The following OCA2 variants were observed in gnomAD, a reference collection of about 807,000 sequenced individuals.
OCA2 encodes OCA2 melanosomal transmembrane protein, also known as P protein.
OCA2 carries 77 observed loss-of-function variants against 100.2 expected under a neutral mutation model. The observed-to-expected ratio is 0.77, with a 90% CI of 0.64 to 0.93. The LOEUF is 0.93. OCA2 is among the 40% of genes least tolerant of loss of function. The probability of loss-of-function intolerance (pLI) is 0.00; values close to 1 mark genes in which losing one functional copy is unlikely to be tolerated. For missense variants in OCA2, 1,062 were observed against 1,089.1 expected (o/e 0.98, Z 0.35); for synonymous variants, 432 against 439.2 (o/e 0.98, Z 0.21).
At chr15:27,921,998 GAAAAT>G (rs1312216738) in intron 19 of OCA2, among the ~76,000 whole-genome samples, 2 of 152,178 alleles carry the variant, frequency 1.3e-5, no homozygotes, top group Non-Finnish European at 2.9e-5. Context: ...CTACAGAAAA[GAAAAT>G]GTTATTAAGA....
chr15:27,779,880 T>C (rs1042517482), intron 23 of OCA2, among the ~76,000 whole-genome samples: 13 of 152,234 alleles, frequency 8.5e-5, no homozygotes, highest in Middle Eastern at 3.2e-3. Context: ...TGTTTCCTTG[T>C]GCTTTTGTTT....
At chr15:27,949,256 G>A (rs542401705) in intron 18 of OCA2, among the ~76,000 whole-genome samples, 7 of 152,108 alleles carry the variant, frequency 4.6e-5, no homozygotes, top group Admixed American at 2.0e-4. Context: ...CAGTGTGTGC[G>A]CTGTATTAGA....
At chr15:27,852,406 T>C (rs1304786552) in intron 21 of OCA2, among the ~76,000 whole-genome samples, 1 of 152,194 alleles carries the variant, frequency 6.6e-6, no homozygotes, top group African/African-American at 2.4e-5. Context: ...TCTGTTCTGT[T>C]CCATTGATCT....
intron 18 of OCA2, among the ~76,000 whole-genome samples, chr15:27,940,804 A>G (rs774791878): frequency 6.6e-6 from 1 of 152,248 alleles, no homozygotes; most frequent in Non-Finnish European, 1.5e-5. Context: ...CCACAAATGC[A>G]CATCATAAAC....
intron 2 of OCA2, among the ~76,000 whole-genome samples, chr15:28,049,094 C>A (rs1595879116): frequency 6.6e-6 from 1 of 152,100 alleles, no homozygotes; most frequent in Admixed American, 6.5e-5. Flanking sequence ...TGATAAGGGT[C>A]TAGTATCCAA....
At chr15:27,936,449 C>T (rs2039454907) in intron 18 of OCA2, among the ~76,000 whole-genome samples, 1 of 152,190 alleles carries the variant, frequency 6.6e-6, no homozygotes, top group South Asian at 2.1e-4. Context: ...AGAAAACTCC[C>T]ATTCTTTCTA....
chr15:27,777,846 T>C (rs2032323848), intron 23 of OCA2, among the ~76,000 whole-genome samples: 1 of 152,206 alleles, frequency 6.6e-6, no homozygotes, highest in Non-Finnish European at 1.5e-5. Context: ...TGCCTTATTA[T>C]TTGCTGCTCT....
intron 19 of OCA2, among the ~76,000 whole-genome samples, chr15:27,899,506 A>G (rs1285326690): frequency 6.6e-6 from 1 of 152,250 alleles, no homozygotes; most frequent in African/African-American, 2.4e-5. Flanking sequence ...AACATTTTAC[A>G]AATAAGGATT....
chr15:28,011,726 G>T lies in OCA2; in HGVS notation c.1044+3050C>A, dbSNP rs528247450. ...AGGTCAGGAGTTCAAGACCAGCCTG[G>T]CCAACATGGTAAAACCCTGTCTCTA... On this transcript the variant is annotated intron_variant, in intron 9 of 23. Transcript: ENST00000354638. Among the ~76,000 whole-genome samples the T allele has an allele frequency of 1.4e-4, 22 of 151,848 alleles. 1 individual carries two copies. In the South Asian group the frequency reaches 4.4e-3, roughly 30 times the overall value.
intron 23 of OCA2, among the ~76,000 whole-genome samples, chr15:27,820,423 C>T (rs999480502): frequency 2.6e-5 from 4 of 152,226 alleles, no homozygotes; most frequent in Admixed American, 2.6e-4. Flanking sequence ...CAGCTCTGCA[C>T]TCATTCTCCC....
intron 23 of OCA2, among the ~76,000 whole-genome samples, chr15:27,766,603 A>T (rs2031280375): frequency 6.6e-6 from 1 of 152,022 alleles, no homozygotes; most frequent in South Asian, 2.1e-4. Flanking sequence ...GAAGCCTCAC[A>T]CCCTGTCTGA....
At chr15:27,901,047 C>G (rs1378236581) in intron 19 of OCA2, among the ~76,000 whole-genome samples, 3 of 152,154 alleles carry the variant, frequency 2.0e-5, no homozygotes, top group Non-Finnish European at 2.9e-5. Flanking sequence ...CTTCTCTTCC[C>G]CCACTTATTC....
intron 23 of OCA2, among the ~76,000 whole-genome samples, chr15:27,781,858 T>C (rs978788107): frequency 1.3e-5 from 2 of 152,228 alleles, no homozygotes; most frequent in African/African-American, 4.8e-5. Flanking sequence ...AGCAATCTCA[T>C]CTAAACCTTC....
At chr15:27,908,877 C>T (rs766355298) in intron 19 of OCA2, among the ~76,000 whole-genome samples, 1 of 152,294 alleles carries the variant, frequency 6.6e-6, no homozygotes, top group African/African-American at 2.4e-5. Flanking sequence ...TTTGCATAAA[C>T]AGTCTAGGCA....
chr15:27,917,327 A>C (rs1330783992), intron 19 of OCA2, among the ~76,000 whole-genome samples: 1 of 152,204 alleles, frequency 6.6e-6, no homozygotes, highest in African/African-American at 2.4e-5. Context: ...ACTATTCTAA[A>C]GATAAGAAAA....
At chr15:27,780,726 C>A (rs1181327327) in intron 23 of OCA2, among the ~76,000 whole-genome samples, 1 of 152,152 alleles carries the variant, frequency 6.6e-6, no homozygotes, top group African/African-American at 2.4e-5. Flanking sequence ...ACCTGGAAAC[C>A]CTTTTGCTTG....
chr15:27,802,373 CCTCT>C (rs1330173255), intron 23 of OCA2, among the ~76,000 whole-genome samples: 2 of 152,100 alleles, frequency 1.3e-5, no homozygotes, highest in Admixed American at 6.5e-5. Flanking sequence ...TAATTCTCCC[CCTCT>C]CTCTATTTGT....
intron 19 of OCA2, among the ~76,000 whole-genome samples, chr15:27,919,056 T>C (rs535225087): frequency 1.3e-4 from 20 of 152,224 alleles, no homozygotes; most frequent in African/African-American, 4.3e-4. Context: ...ATAAATAAAA[T>C]AGCCAAGACA....
At chr15:27,950,043 A>C (rs1357406204) in intron 18 of OCA2, among the ~76,000 whole-genome samples, 1 of 152,236 alleles carries the variant, frequency 6.6e-6, no homozygotes, top group Non-Finnish European at 1.5e-5. Flanking sequence ...AAAAACGTAG[A>C]CTTGCAGGCT....
Sources: gnomAD v4.1 joint callset for allele counts (sites outside exome capture counted in the v4.1 genomes callset) on GRCh38, gnomAD v4.1.1 for gene constraint, MANE v1.5 for transcripts, NCBI Gene and HGNC (gene_info 2026-07-23, HGNC 2026-07-21) for gene names.